The following NEDD9 variants were observed in gnomAD, a reference collection of about 807,000 sequenced individuals.
The protein encoded by NEDD9 is enhancer of filamentation 1.
NEDD9 carries 26 observed loss-of-function variants against 76.6 expected under a neutral mutation model. The observed-to-expected ratio is 0.34, with a 90% CI of 0.25 to 0.47. The LOEUF (loss-of-function observed/expected upper bound fraction) is 0.47. NEDD9 is among the 20% of genes least tolerant of loss of function. NEDD9 has a pLI of 1.00. For missense variants in NEDD9, 937 were observed against 1,058.5 expected (o/e 0.89, Z 1.59); for synonymous variants, 392 against 414.2 (o/e 0.95, Z 0.65).
At position 11,306,241 on chromosome 6, in the gene NEDD9, C is replaced by G. The variant is rs1439756200; in HGVS notation, c.-152-86G>C. On this transcript the variant is annotated intron_variant, in intron 2 of 3. Transcript: ENST00000397378. Reference sequence around the variant, plus strand: ...TCATCATTTAAGGGTTGCATCATAGCAGCTGGAAAAGCCAAATCCATAGTC... The same window carrying G: ...TCATCATTTAAGGGTTGCATCATAGGAGCTGGAAAAGCCAAATCCATAGTC... 12 of 558,796 alleles carry G rather than the reference C, an allele frequency of 2.1e-5. No individual in the cohort carries two copies. The African/African-American group carries it at 2.3e-4, about 11-fold the overall frequency. The allele number at this position is 558,796 out of a possible 1,614,324, so 34.6% of individuals were successfully genotyped here.
intron 2 of NEDD9, among the ~76,000 whole-genome samples, chr6:11,323,486 C>T (rs1366294989): frequency 6.6e-6 from 1 of 152,216 alleles, no homozygotes; most frequent in Non-Finnish European, 1.5e-5. Context: ...TGATGATTTC[C>T]CACAGGGAGC....
At chr6:11,363,477 G>A (rs76638500) in intron 1 of NEDD9, among the ~76,000 whole-genome samples, 1 of 152,098 alleles carries the variant, frequency 6.6e-6, no homozygotes, top group African/African-American at 2.4e-5. Context: ...CTCATGGAAT[G>A]GGGGGGAAGT....
At chr6:11,320,072 C>T (rs1320007945) in intron 2 of NEDD9, among the ~76,000 whole-genome samples, 1 of 152,160 alleles carries the variant, frequency 6.6e-6, no homozygotes, top group Non-Finnish European at 1.5e-5. Flanking sequence ...GATGCTGTCC[C>T]TCCTGGGAGC....
intron 3 of NEDD9, among the ~76,000 whole-genome samples, chr6:11,301,201 A>T (rs1761037208): frequency 6.6e-6 from 1 of 152,192 alleles, no homozygotes; most frequent in South Asian, 2.1e-4. Flanking sequence ...AGCAAAAAAA[A>T]GCAGGGGTTA....
At chr6:11,320,658 G>C (rs60511959) in intron 2 of NEDD9, among the ~76,000 whole-genome samples, 5,980 of 152,260 alleles carry the variant, frequency 0.039, 228 homozygotes, top group South Asian at 0.1. Flanking sequence ...GTTAATAGAG[G>C]ATTGGCTACA....
intron 3 of NEDD9, among the ~76,000 whole-genome samples, chr6:11,297,834 G>A (rs1053966840): frequency 6.6e-6 from 1 of 151,908 alleles, no homozygotes; most frequent in African/African-American, 2.4e-5. Flanking sequence ...CTTGTTCAAG[G>A]CCCTATTACT....
At chr6:11,267,792 T>C (rs540620635) in intron 3 of NEDD9, among the ~76,000 whole-genome samples, 5 of 152,320 alleles carry the variant, frequency 3.3e-5, no homozygotes, top group Admixed American at 3.3e-4. Flanking sequence ...CTTTCTCCAG[T>C]TCTCCAATAA....
chr6:11,299,833 A>T (rs148904301), intron 3 of NEDD9, among the ~76,000 whole-genome samples: 2,413 of 152,322 alleles, frequency 0.016, 51 homozygotes, highest in African/African-American at 0.053. Context: ...AAGGACATCC[A>T]CACCGAAACT....
At chr6:11,202,475 G>C (rs1338597955) in intron 2 of NEDD9, among the ~76,000 whole-genome samples, 1 of 152,112 alleles carries the variant, frequency 6.6e-6, no homozygotes, top group Non-Finnish European at 1.5e-5. Flanking sequence ...CATTATCACT[G>C]CCTGCCCATT....
chr6:11,356,705 A>G (rs1762581663), intron 1 of NEDD9, among the ~76,000 whole-genome samples: 1 of 151,690 alleles, frequency 6.6e-6, no homozygotes, highest in Admixed American at 6.6e-5. Context: ...GGTCTCTTTA[A>G]TCGTTGGCAT....
intron 2 of NEDD9, among the ~76,000 whole-genome samples, chr6:11,319,345 A>ACC (rs1761686219): frequency 2.6e-5 from 4 of 151,438 alleles, no homozygotes; most frequent in African/African-American, 9.8e-5. Flanking sequence ...CCACACACTC[A>ACC]CATGCACACT....
At chr6:11,254,785 C>T (rs1759971827) in intron 3 of NEDD9, among the ~76,000 whole-genome samples, 1 of 152,202 alleles carries the variant, frequency 6.6e-6, no homozygotes. Context: ...GAGAGACCCT[C>T]TTCCCAGCTA....
chr6:11,257,775 C>CTGTGTGTGTG (rs3067253), intron 3 of NEDD9, among the ~76,000 whole-genome samples: 2,078 of 143,046 alleles, frequency 0.015, 60 homozygotes, highest in African/African-American at 0.046. Flanking sequence ...AATGTAGATT[C>CTGTGTGTGTG]TGTGTGTGTG....
intron 2 of NEDD9, among the ~76,000 whole-genome samples, chr6:11,334,137 T>A (rs1056655303): frequency 6.6e-6 from 1 of 152,200 alleles, no homozygotes; most frequent in Non-Finnish European, 1.5e-5. Context: ...ATAAAGTTAC[T>A]AATAGGGAAA....
intron 1 of NEDD9, among the ~76,000 whole-genome samples, chr6:11,342,155 A>G (rs1369899292): frequency 6.6e-6 from 1 of 152,102 alleles, no homozygotes; most frequent in Non-Finnish European, 1.5e-5. Flanking sequence ...ACAGAAATAA[A>G]AAATATTAAG....
At chr6:11,290,837 G>A (rs895964568) in intron 3 of NEDD9, among the ~76,000 whole-genome samples, 1 of 152,182 alleles carries the variant, frequency 6.6e-6, no homozygotes, top group African/African-American at 2.4e-5. Flanking sequence ...ATCTCTCCGA[G>A]GCAGGCACTG....
chr6:11,270,727 G>A (rs1760288433), intron 3 of NEDD9, among the ~76,000 whole-genome samples: 1 of 152,232 alleles, frequency 6.6e-6, no homozygotes, highest in South Asian at 2.1e-4. Context: ...AGAAGGGTCT[G>A]TTTCTTTCCA....
intron 2 of NEDD9, among the ~76,000 whole-genome samples, chr6:11,324,623 G>A (rs141743492): frequency 6.6e-6 from 1 of 152,348 alleles, no homozygotes; most frequent in East Asian, 1.9e-4. Flanking sequence ...CATGGAATGA[G>A]CAGAAACACA....
intron 2 of NEDD9, among the ~76,000 whole-genome samples, chr6:11,311,925 T>C (rs1761385265): frequency 6.6e-6 from 1 of 152,200 alleles, no homozygotes; most frequent in Non-Finnish European, 1.5e-5. Flanking sequence ...TTACTTGACA[T>C]CTCTGCAAGA....
Sources: gnomAD v4.1 joint callset for allele counts (sites outside exome capture counted in the v4.1 genomes callset) on GRCh38, gnomAD v4.1.1 for gene constraint, MANE v1.5 for transcripts, NCBI Gene and HGNC (gene_info 2026-07-23, HGNC 2026-07-21) for gene names.